The following INPP4B variants were observed in gnomAD, a reference collection of about 807,000 sequenced individuals.
INPP4B encodes inositol polyphosphate-4-phosphatase type II B.
INPP4B carries 55 observed loss-of-function variants against 122.5 expected under a neutral mutation model. The ratio of observed to expected loss-of-function variants is 0.45; its 90% CI spans 0.36 to 0.56. INPP4B has a LOEUF of 0.56. INPP4B is among the 20% of genes least tolerant of loss of function. The pLI is 0.00. For synonymous variants in INPP4B, 403 were observed against 388.7 expected (o/e 1.04, Z -0.43); for missense variants, 1,000 against 1,097.7 (o/e 0.91, Z 1.26).
chr4:142,411,902 C>CA (rs1351463960), intron 5 of INPP4B, among the ~76,000 whole-genome samples: 2 of 151,920 alleles, frequency 1.3e-5, no homozygotes, highest in Non-Finnish European at 2.9e-5. Flanking sequence ...AAAAACAAAA[C>CA]AAAAAAACCC....
At chr4:142,521,600 A>G (rs1826077646) in intron 2 of INPP4B, among the ~76,000 whole-genome samples, 1 of 152,030 alleles carries the variant, frequency 6.6e-6, no homozygotes, top group Non-Finnish European at 1.5e-5. Context: ...CACTTATACA[A>G]TTAAGGCCAT....
At chr4:142,513,644 G>C (rs774384558) in intron 2 of INPP4B, among the ~76,000 whole-genome samples, 6 of 152,180 alleles carry the variant, frequency 3.9e-5, no homozygotes, top group Non-Finnish European at 5.9e-5. Flanking sequence ...CTGACCTCAG[G>C]TGATCCACTT....
At chr4:142,651,598 C>T (rs189791159) in intron 2 of INPP4B, among the ~76,000 whole-genome samples, 88 of 152,182 alleles carry the variant, frequency 5.8e-4, no homozygotes, top group East Asian at 4.1e-3. Flanking sequence ...AACATTTCTA[C>T]GCAAATAAAC....
intron 7 of INPP4B, among the ~76,000 whole-genome samples, chr4:142,373,693 A>G: frequency 6.6e-6 from 1 of 151,976 alleles, no homozygotes; most frequent in Non-Finnish European, 1.5e-5. Context: ...CAGTGTTACT[A>G]AGAGTTTGTT....
chr4:142,466,569 C>T (rs1441461472), intron 2 of INPP4B, among the ~76,000 whole-genome samples: 2 of 152,138 alleles, frequency 1.3e-5, no homozygotes, highest in Non-Finnish European at 2.9e-5. Flanking sequence ...GCAGCCTGAC[C>T]ATGTGGCAGA....
intron 9 of INPP4B, among the ~76,000 whole-genome samples, chr4:142,304,673 AAG>A (rs1033613338): frequency 2.8e-4 from 43 of 152,246 alleles, no homozygotes; most frequent in African/African-American, 6.3e-4. Flanking sequence ...TCATCAAAAT[AAG>A]AGAGTCTTAA....
chr4:142,460,127 A>C (rs1387287888), intron 3 of INPP4B, among the ~76,000 whole-genome samples: 1 of 152,150 alleles, frequency 6.6e-6, no homozygotes, highest in African/African-American at 2.4e-5. Context: ...TGTGTCAGTC[A>C]AGAGAGCAAC....
chr4:142,387,175 A>C (rs987185735), intron 7 of INPP4B, among the ~76,000 whole-genome samples: 5 of 152,088 alleles, frequency 3.3e-5, no homozygotes, highest in Non-Finnish European at 7.4e-5. Context: ...GTAAATGGTA[A>C]TATTGCAGTG....
chr4:142,284,429 A>G (rs1752593814), intron 9 of INPP4B, among the ~76,000 whole-genome samples: 1 of 152,160 alleles, frequency 6.6e-6, no homozygotes, highest in Admixed American at 6.6e-5. Context: ...TTTTTGTATA[A>G]TAACAGGAAG....
At chr4:142,231,725 G>A (rs1854459062) in intron 12 of INPP4B, among the ~76,000 whole-genome samples, 1 of 152,090 alleles carries the variant, frequency 6.6e-6, no homozygotes, top group African/African-American at 2.4e-5. Context: ...AGACCGTTAT[G>A]TAAGAAAATA....
In INPP4B at chr4:142,671,203, GAACCATATAAATCTATACT is replaced by G. The variant is rs1756941253; in HGVS notation, c.-191+54617_-191+54635del. Among the ~76,000 whole-genome samples, 8 of 151,980 alleles carry G rather than the reference GAACCATATAAATCTATACT, an allele frequency of 5.3e-5. 1 individual carries two copies. On this transcript the variant is annotated intron_variant, in intron 2 of 25. Transcript: ENST00000262992. ...GATCATTATAACCACCTTTTCTCTT[GAACCATATAAATCTATACT>G]AAGGCCTGGCGATCCACCAATCTCC... is the stretch of plus-strand genomic sequence containing the variant.
At chr4:142,696,406 T>C (rs1364269671) in intron 2 of INPP4B, among the ~76,000 whole-genome samples, 1 of 151,670 alleles carries the variant, frequency 6.6e-6, no homozygotes, top group East Asian at 1.9e-4. Context: ...CCCCAAAGAG[T>C]AATAAAATCT....
chr4:142,615,345 G>C (rs755737765), intron 2 of INPP4B, among the ~76,000 whole-genome samples: 23 of 152,006 alleles, frequency 1.5e-4, no homozygotes, highest in Admixed American at 3.3e-4. Context: ...ATGTTGATTT[G>C]ATCCAAAAAG....
chr4:142,309,249 T>A (rs1764528454), intron 8 of INPP4B, among the ~76,000 whole-genome samples: 1 of 152,098 alleles, frequency 6.6e-6, no homozygotes, highest in South Asian at 2.1e-4. Flanking sequence ...GGCAAAGTAT[T>A]TTTTAAAAAG....
intron 22 of INPP4B, among the ~76,000 whole-genome samples, chr4:142,110,388 T>C (rs944856993): frequency 4.6e-5 from 7 of 152,150 alleles, no homozygotes; most frequent in African/African-American, 1.7e-4. Flanking sequence ...TCTACAGTAT[T>C]TTGTTACAGC....
intron 14 of INPP4B, among the ~76,000 whole-genome samples, chr4:142,207,069 T>C (rs73850820): frequency 1.3e-5 from 2 of 152,244 alleles, no homozygotes; most frequent in East Asian, 3.9e-4. Context: ...CTCTGTATCC[T>C]GGCTTATTTC....
intron 21 of INPP4B, among the ~76,000 whole-genome samples, chr4:142,118,393 A>C (rs1018511924): frequency 1.3e-5 from 2 of 152,136 alleles, no homozygotes; most frequent in Non-Finnish European, 2.9e-5. Flanking sequence ...ACTTCAAACT[A>C]TACTACAAGG....
At chr4:142,341,915 C>T (rs1294390137) in intron 7 of INPP4B, among the ~76,000 whole-genome samples, 1 of 152,120 alleles carries the variant, frequency 6.6e-6, no homozygotes, top group African/African-American at 2.4e-5. Flanking sequence ...GAAACAGATT[C>T]TTCCCCAGTT....
At chr4:142,330,999 T>G (rs979100844) in intron 7 of INPP4B, among the ~76,000 whole-genome samples, 6 of 152,218 alleles carry the variant, frequency 3.9e-5, no homozygotes, top group African/African-American at 1.4e-4. Flanking sequence ...CTTCTTAAAG[T>G]GAATTTTTCT....
Sources: allele counts gnomAD v4.1 joint callset (sites outside exome capture counted in the v4.1 genomes callset), GRCh38; gene constraint gnomAD v4.1.1; transcripts MANE v1.5; gene names NCBI Gene and HGNC (gene_info 2026-07-23, HGNC 2026-07-21).